The following EXOC4 variants were observed in gnomAD, a reference collection of about 807,000 sequenced individuals.
The protein encoded by EXOC4 is exocyst complex component 4, also known as SEC8-like 1.
Under a neutral mutation model 107.2 loss-of-function variants are expected in EXOC4, and 71 were observed. The observed-to-expected ratio is 0.66, with a 90% CI of 0.55 to 0.81. The LOEUF (loss-of-function observed/expected upper bound fraction) is 0.81, where lower values mean the gene tolerates loss of function less well. EXOC4 is among the 30% of genes least tolerant of loss of function. EXOC4 has a pLI of 0.00. For missense variants in EXOC4, 1,108 were observed against 1,189.6 expected, an observed-to-expected ratio of 0.93 and a Z score of 1.01; for synonymous variants, 456 against 441.2, an observed-to-expected ratio of 1.03 and a Z score of -0.42.
chr7:133,943,239 G>C (rs565577317), intron 14 of EXOC4, among the ~76,000 whole-genome samples: 25 of 152,208 alleles, frequency 1.6e-4, no homozygotes, highest in African/African-American at 5.5e-4. Context: ...GCCTTTGAAA[G>C]ATACTTGAAA....
chr7:133,425,911 C>T lies in EXOC4; in HGVS notation c.1183-49417C>T, dbSNP rs77809147. Among the ~76,000 whole-genome samples the T allele has an allele frequency of 4.8e-3, 734 of 152,188 alleles. 4 individuals are homozygous for T. The highest frequency in any genetic ancestry group is 0.017 in the Middle Eastern group (5 of 294). On this transcript the variant is annotated intron_variant, in intron 7 of 17. Coordinates refer to ENST00000253861, the MANE Select transcript of EXOC4 (RefSeq NM_021807.4). Reference sequence around the variant, plus strand: ...CTGGAAGACCCTGCTTTGAGGTGTCCCACCTTTCTGGACCAAACCGTTATA... The same window carrying T: ...CTGGAAGACCCTGCTTTGAGGTGTCTCACCTTTCTGGACCAAACCGTTATA...
intron 10 of EXOC4, among the ~76,000 whole-genome samples, chr7:133,707,119 C>CT (rs2151092561): frequency 6.6e-6 from 1 of 151,490 alleles, no homozygotes; most frequent in East Asian, 1.9e-4. Flanking sequence ...AAAATTGAAG[C>CT]TAAGACACTA....
intron 7 of EXOC4, among the ~76,000 whole-genome samples, chr7:133,433,733 A>G (rs576382391): frequency 6.6e-5 from 10 of 152,314 alleles, no homozygotes; most frequent in South Asian, 4.1e-4. Flanking sequence ...TTATTGTTCA[A>G]TGGCACCTAT....
At chr7:133,395,164 A>G (rs1005111036) in intron 7 of EXOC4, among the ~76,000 whole-genome samples, 4 of 146,886 alleles carry the variant, frequency 2.7e-5, no homozygotes, top group African/African-American at 1.0e-4. Context: ...AAATCCATTT[A>G]CTCGTGAAAG....
intron 17 of EXOC4, among the ~76,000 whole-genome samples, chr7:134,044,288 G>A (rs1795593596): frequency 6.6e-6 from 1 of 152,124 alleles, no homozygotes; most frequent in South Asian, 2.1e-4. Flanking sequence ...CACTGAAACA[G>A]GTGAAGCACA....
intron 12 of EXOC4, among the ~76,000 whole-genome samples, chr7:133,914,635 TA>T (rs61237053): frequency 4.7e-5 from 7 of 149,428 alleles, no homozygotes; most frequent in African/African-American, 1.5e-4. Flanking sequence ...AAATAAAAAA[TA>T]AAAAAAAAGG....
At chr7:133,377,916 C>T (rs1310278918) in intron 7 of EXOC4, among the ~76,000 whole-genome samples, 1 of 151,960 alleles carries the variant, frequency 6.6e-6, no homozygotes, top group East Asian at 1.9e-4. Context: ...TTTGTGTTAC[C>T]GAAAATATTC....
At chr7:133,967,308 GTC>G (rs1563074401) in intron 14 of EXOC4, among the ~76,000 whole-genome samples, 2 of 151,162 alleles carry the variant, frequency 1.3e-5, no homozygotes, top group East Asian at 3.9e-4. Flanking sequence ...AGTGTTTTTC[GTC>G]TCTCTGTCTC....
chr7:133,591,487 A>G (rs1801540191), intron 9 of EXOC4, among the ~76,000 whole-genome samples: 1 of 152,128 alleles, frequency 6.6e-6, no homozygotes, highest in Non-Finnish European at 1.5e-5. Context: ...TGATACAAAA[A>G]TGTTTGAAAC....
At chr7:134,080,031 C>G in the EXOC4 span, among the ~76,000 whole-genome samples, 1 of 152,276 alleles carries the variant, frequency 6.6e-6, no homozygotes, top group Admixed American at 6.5e-5. Flanking sequence ...GCTACCAGCC[C>G]ATAGCTTATT....
At chr7:133,441,668 C>T (rs1281360169) in intron 7 of EXOC4, among the ~76,000 whole-genome samples, 2 of 152,200 alleles carry the variant, frequency 1.3e-5, no homozygotes, top group Non-Finnish European at 2.9e-5. Context: ...GCTGGGATTA[C>T]AGGCATGAGC....
intron 17 of EXOC4, among the ~76,000 whole-genome samples, chr7:134,039,507 C>T (rs1795465618): frequency 6.6e-6 from 1 of 152,174 alleles, no homozygotes; most frequent in African/African-American, 2.4e-5. Flanking sequence ...GGGATCAGAA[C>T]AGGCAATCAC....
rs1231355625 is a variant in EXOC4 at position 133,862,158 on chromosome 7, CTT to C, written c.1735-33427_1735-33426del. On this transcript the variant is annotated intron_variant, in intron 11 of 17. Coordinates refer to ENST00000253861, the MANE Select transcript of EXOC4 (RefSeq NM_021807.4). Reference sequence around the variant, plus strand: ...ATGGTTCATGTCTTTAGTTTTCTTTCTTTTTTTTTTTTTTTAATTTTATGTGC... The same window carrying C: ...ATGGTTCATGTCTTTAGTTTTCTTTCTTTTTTTTTTTTTAATTTTATGTGC... 2.6e-3 allele frequency among the ~76,000 whole-genome samples: 361 copies of C among 140,220 alleles called. 5 individuals are homozygous for C. The highest frequency in any genetic ancestry group is 8.4e-3 in the African/African-American group (324 of 38,424). 92.0% of individuals were successfully genotyped at this position (140,220 alleles called of 152,430 possible). A position where few individuals can be genotyped will look rare whatever the true frequency, so the allele number is the denominator to read the frequency against.
chr7:134,037,205 A>C (rs945875494), intron 17 of EXOC4, among the ~76,000 whole-genome samples: 1 of 152,160 alleles, frequency 6.6e-6, no homozygotes, highest in African/African-American at 2.4e-5. Flanking sequence ...ACAAGATATC[A>C]GTGGTTTTGA....
At chr7:134,015,937 G>A (rs1210217801) in intron 17 of EXOC4, among the ~76,000 whole-genome samples, 1 of 151,934 alleles carries the variant, frequency 6.6e-6, no homozygotes, top group Non-Finnish European at 1.5e-5. Context: ...GGTGGTGGGG[G>A]GAGTGGGGAT....
intron 11 of EXOC4, among the ~76,000 whole-genome samples, chr7:133,849,015 A>G (rs746327213): frequency 6.6e-6 from 1 of 152,240 alleles, no homozygotes; most frequent in Non-Finnish European, 1.5e-5. Context: ...TAGCTTTTAC[A>G]TGTTAATGGA....
the EXOC4 span, among the ~76,000 whole-genome samples, chr7:134,081,659 G>C: frequency 6.6e-6 from 1 of 152,190 alleles, no homozygotes; most frequent in African/African-American, 2.4e-5. Flanking sequence ...ATCATTGGTT[G>C]AATGGGAGGG....
At chr7:133,590,608 C>T (rs188675203) in intron 9 of EXOC4, among the ~76,000 whole-genome samples, 51 of 152,234 alleles carry the variant, frequency 3.4e-4, no homozygotes, top group African/African-American at 1.1e-3. Flanking sequence ...AACCATATGT[C>T]GGGGAGAAGC....
chr7:133,572,834 A>G (rs1233073943), intron 9 of EXOC4, among the ~76,000 whole-genome samples: 1 of 152,220 alleles, frequency 6.6e-6, no homozygotes, highest in African/African-American at 2.4e-5. Flanking sequence ...TGATTTAAAA[A>G]GGCTTATGAC....
Sources: gnomAD v4.1 joint callset for allele counts (sites outside exome capture counted in the v4.1 genomes callset) on GRCh38, gnomAD v4.1.1 for gene constraint, MANE v1.5 for transcripts, NCBI Gene and HGNC (gene_info 2026-07-23, HGNC 2026-07-21) for gene names.